Variants in PABPC4L observed in about 807,000 individuals in gnomAD.
PABPC4L encodes polyadenylate-binding protein 4-like.
For missense variants in PABPC4L, 452 were observed against 451.4 expected (o/e 1.00, Z -0.01); for synonymous variants, 169 against 164.1 (o/e 1.03, Z -0.23).
At chr4:134,119,545 A>G in the PABPC4L span, among the ~76,000 whole-genome samples, 1 of 151,712 alleles carries the variant, frequency 6.6e-6, no homozygotes, top group African/African-American at 2.4e-5. Flanking sequence ...TATTAACCAC[A>G]ATATTATGCC....
At chr4:133,972,293 A>G in the PABPC4L span, among the ~76,000 whole-genome samples, 1 of 152,262 alleles carries the variant, frequency 6.6e-6, no homozygotes, top group Non-Finnish European at 1.5e-5. Context: ...CTAGTCCAGA[A>G]CCCAAACTAT....
the PABPC4L span, among the ~76,000 whole-genome samples, chr4:133,960,889 C>T: frequency 6.6e-6 from 1 of 152,098 alleles, no homozygotes; most frequent in African/African-American, 2.4e-5. Context: ...ACCCACATCC[C>T]CCACAGCAGC....
chr4:134,132,719 A>C, the PABPC4L span, among the ~76,000 whole-genome samples: 2 of 151,742 alleles, frequency 1.3e-5, no homozygotes, highest in Non-Finnish European at 2.9e-5. Context: ...TTATTTACCC[A>C]GAGGAACATA....
the PABPC4L span, among the ~76,000 whole-genome samples, chr4:134,043,872 T>C: frequency 1.3e-5 from 2 of 151,966 alleles, no homozygotes; most frequent in African/African-American, 4.8e-5. Context: ...TTAAGGTTTA[T>C]TGATAGTTCT....
the PABPC4L span, among the ~76,000 whole-genome samples, chr4:133,969,463 C>G: frequency 6.6e-6 from 1 of 152,190 alleles, no homozygotes; most frequent in African/African-American, 2.4e-5. Context: ...CTCCCAGTCA[C>G]TAACTTTTAT....
At chr4:133,978,261 C>T in the PABPC4L span, among the ~76,000 whole-genome samples, 1 of 152,006 alleles carries the variant, frequency 6.6e-6, no homozygotes, top group Admixed American at 6.6e-5. Context: ...AGCAGAGGTG[C>T]TAGATAAGAG....
the PABPC4L span, among the ~76,000 whole-genome samples, chr4:133,997,686 C>G: frequency 6.6e-6 from 1 of 152,006 alleles, no homozygotes; most frequent in Non-Finnish European, 1.5e-5. Flanking sequence ...GATTTCAACT[C>G]TCATGGAATG....
chr4:134,159,118 G>A, the PABPC4L span, among the ~76,000 whole-genome samples: 2 of 152,162 alleles, frequency 1.3e-5, no homozygotes, highest in African/African-American at 4.8e-5. Context: ...CTCAGTGAGT[G>A]AGTGGCGAGT....
At chr4:134,123,198 A>G in the PABPC4L span, among the ~76,000 whole-genome samples, 3 of 152,040 alleles carry the variant, frequency 2.0e-5, no homozygotes, top group Admixed American at 6.6e-5. Flanking sequence ...CCACAGCACT[A>G]TCACTCATGC....
the PABPC4L span, among the ~76,000 whole-genome samples, chr4:134,051,673 C>T: frequency 3.3e-5 from 5 of 151,926 alleles, no homozygotes; most frequent in South Asian, 2.1e-4. Context: ...AATGACATGG[C>T]CTGAAAAGAA....
chr4:133,966,971 C>T, the PABPC4L span, among the ~76,000 whole-genome samples: 1 of 151,926 alleles, frequency 6.6e-6, no homozygotes, highest in Non-Finnish European at 1.5e-5. Context: ...GCAGAGGAAA[C>T]AAGTAACTGA....
At chr4:133,980,796 C>T in the PABPC4L span, among the ~76,000 whole-genome samples, 1 of 152,122 alleles carries the variant, frequency 6.6e-6, no homozygotes, top group Non-Finnish European at 1.5e-5. Context: ...ATGTAGCTAG[C>T]CTCGAAATAT....
the PABPC4L span, among the ~76,000 whole-genome samples, chr4:134,163,364 G>GA: frequency 6.6e-6 from 1 of 151,938 alleles, no homozygotes; most frequent in Non-Finnish European, 1.5e-5. Flanking sequence ...AATCAGTAAT[G>GA]AAAAAAATGA....
At chr4:134,105,200 C>T in the PABPC4L span, among the ~76,000 whole-genome samples, 1 of 151,542 alleles carries the variant, frequency 6.6e-6, no homozygotes, top group African/African-American at 2.4e-5. Context: ...GATTCTGGAA[C>T]ATTTCTCTTT....
chr4:133,965,408 A>T, the PABPC4L span, among the ~76,000 whole-genome samples: 1 of 152,178 alleles, frequency 6.6e-6, no homozygotes, highest in Non-Finnish European at 1.5e-5. Flanking sequence ...AGCAATCTAC[A>T]AATTCAATGC....
the PABPC4L span, among the ~76,000 whole-genome samples, chr4:134,042,557 C>G: frequency 6.6e-6 from 1 of 152,056 alleles, no homozygotes; most frequent in African/African-American, 2.4e-5. Flanking sequence ...GCTGGAATGA[C>G]CATATAATTT....
the PABPC4L span, among the ~76,000 whole-genome samples, chr4:133,975,222 A>G: frequency 1.3e-5 from 2 of 152,166 alleles, no homozygotes; most frequent in Admixed American, 6.6e-5. Flanking sequence ...AAAATATACT[A>G]AAGAAGCCAG....
the PABPC4L span, among the ~76,000 whole-genome samples, chr4:134,086,839 A>T: frequency 6.7e-6 from 1 of 149,868 alleles, no homozygotes; most frequent in Admixed American, 6.7e-5. Flanking sequence ...TTTAGGGTAC[A>T]TGTGCACATT....
the PABPC4L span, among the ~76,000 whole-genome samples, chr4:133,979,430 GT>G: frequency 6.6e-6 from 1 of 152,124 alleles, no homozygotes; most frequent in Non-Finnish European, 1.5e-5. Context: ...ATAAGAACAC[GT>G]TGTATAGAAA....
Sources: allele counts gnomAD v4.1 joint callset (sites outside exome capture counted in the v4.1 genomes callset), GRCh38; gene constraint gnomAD v4.1.1; transcripts MANE v1.5; gene names NCBI Gene and HGNC (gene_info 2026-07-23, HGNC 2026-07-21).